VPS13C: variants seen among roughly 807,000 people sequenced by gnomAD.
VPS13C encodes the protein vacuolar protein sorting 13 homolog C.
Under a neutral mutation model 456.8 loss-of-function variants are expected in VPS13C, and 358 were observed. The observed-to-expected ratio is 0.78, with a 90% CI of 0.72 to 0.86. The LOEUF is 0.86. Among genes scored for constraint, VPS13C ranks in the 40% least tolerant of loss-of-function variants. The probability of loss-of-function intolerance (pLI) is 0.00; values close to 1 mark genes in which losing one functional copy is unlikely to be tolerated. For missense variants in VPS13C, 4,818 were observed against 4,385.4 expected (o/e 1.10, Z -2.79); for synonymous variants, 1,578 against 1,486.7 (o/e 1.06, Z -1.41).
intron 15 of VPS13C, among the ~76,000 whole-genome samples, chr15:62,005,869 A>AT (rs1216844730): frequency 1.3e-5 from 2 of 150,122 alleles, no homozygotes; most frequent in African/African-American, 2.4e-5. Context: ...CGCCCAGCTA[A>AT]TTTTTTGTAT....
intron 76 of VPS13C, 92 bp downstream of exon 76, chr15:61,875,640 G>A: frequency 1.2e-6 from 1 of 850,766 alleles, no homozygotes; most frequent in Non-Finnish European, 1.9e-6. Context: ...TCAATTCCAA[G>A]ATACAATTAC....
Position 61,974,408 on chromosome 15 carries a change from C to T in VPS13C, c.2418G>A (p.Val806=). The T allele has an allele frequency of 6.2e-7, 1 of 1,611,732 alleles. No individual in the cohort carries two copies. Among genetic ancestry groups the T allele is most frequent in the South Asian group, 1.1e-5 (1 of 90,950 alleles). ...CATGCATCAAAGGAAGTCCTCCTGA[C>T]ACTTTAAATCTAAAAATACAATTCA... ...EKDIRMARFK[V]SGGLPLMHVR... The change falls in exon 25 of 85, where the codon GTG becomes GTA. Residue 806 remains valine, a synonymous_variant. Transcript: ENST00000644861.
At chr15:61,944,425 C>T (rs191633029) in intron 45 of VPS13C, among the ~76,000 whole-genome samples, 150 of 152,238 alleles carry the variant, frequency 9.9e-4, no homozygotes, top group African/African-American at 2.9e-3. Flanking sequence ...AAACGTGGCA[C>T]ATATACACCA....
Position 61,916,101 on chromosome 15 carries a change from A to C in VPS13C, c.8056-79T>G, listed in dbSNP as rs554013427. The C allele has an allele frequency of 2.6e-5, 37 of 1,438,406 alleles. No homozygotes were observed. The South Asian group carries it at 4.6e-4, about 18-fold the overall frequency. 89.1% of individuals were successfully genotyped at this position (1,438,406 alleles called of 1,614,324 possible). ...AAATTCTTATTTTTCACAAATGCTA[A>C]ATAAACTACCAGATGCATGTAAACT... On this transcript the variant is annotated intron_variant, in intron 60 of 84. Coordinates refer to ENST00000644861, the MANE Select transcript of VPS13C (RefSeq NM_020821.3).
intron 5 of VPS13C, among the ~76,000 whole-genome samples, chr15:62,030,596 T>C (rs970663290): frequency 6.6e-6 from 1 of 152,122 alleles, no homozygotes; most frequent in Non-Finnish European, 1.5e-5. Flanking sequence ...ACACACATCA[T>C]GTGACCTGCG....
chr15:61,858,499 C>G lies in VPS13C; in HGVS notation c.10953-2090G>C. On this transcript the variant is annotated intron_variant, in intron 82 of 84. Coordinates refer to ENST00000644861, the MANE Select transcript of VPS13C (RefSeq NM_020821.3). The surrounding 1 kb of genome is among the most constrained non-coding windows in gnomAD (Gnocchi z 4.4). ...TTCCTACCATGATAGCTGCCACAGT[C>G]TCTATGGTAGACAGAATTCTAAGAC... Among the ~76,000 whole-genome samples, 1 of 152,146 alleles carries G rather than the reference C, an allele frequency of 6.6e-6. No individual in the cohort carries two copies.
chr15:61,916,894 T>C (rs1324221657), intron 60 of VPS13C, among the ~76,000 whole-genome samples: 4 of 152,170 alleles, frequency 2.6e-5, no homozygotes, highest in African/African-American at 9.7e-5. Flanking sequence ...TTTTTTCCTA[T>C]CTTTTAGTTA....
In VPS13C at chr15:61,929,703, A is replaced by G. The variant is rs757016828; in HGVS notation, c.6084T>C (p.Ile2028=). 10 of 1,613,742 alleles carry G rather than the reference A, an allele frequency of 6.2e-6. No homozygotes were observed. Among genetic ancestry groups the G allele is most frequent in the Middle Eastern group, 1.7e-4 (1 of 6,058 alleles). Residue 2028 remains isoleucine, a synonymous_variant, in exon 51 of 85, where the codon ATT becomes ATC. Coordinates refer to ENST00000644861, the MANE Select transcript of VPS13C (RefSeq NM_020821.3). The part of the protein sequence containing the change: ...KNDQDNNSSM[I]DISYKQDKNG... ...TTTTGTCTTGTTTGTAACTTATATC[A>G]ATCATAGAACTGTTGTTATCTTGGT...
At chr15:61,963,757 T>C (rs2045290088) in intron 32 of VPS13C, 78 bp downstream of exon 32, 2 of 1,025,190 alleles carry the variant, frequency 2.0e-6, no homozygotes, top group Non-Finnish European at 1.5e-6. Context: ...TATTTGTACA[T>C]TCTTTAGCAT....
chr15:62,007,393 C>T lies in VPS13C; in HGVS notation c.1205G>A (p.Arg402Lys), dbSNP rs572954391. 6.2e-7 allele frequency: 1 copy of T among 1,612,884 alleles called. No individual in the cohort carries two copies. The highest frequency in any genetic ancestry group is 8.5e-7 in the Non-Finnish European group (1 of 1,179,470). Residue 402 changes from arginine (R) to lysine (K), a missense_variant, in exon 15 of 85, where the codon AGG (arginine) becomes AAG (lysine). Arg to Lys is a conservative substitution (Grantham distance 26, BLOSUM62 2). Transcript: ENST00000644861. The part of the protein sequence containing the change: ...MWSWSNIKKH[R>K]QLLKSYKIAY... Reference sequence around the variant, plus strand: ...AATTTTATAACTCTTGAGTAACTGCCTGTGCTTTTTTATGTTACTCCATGA... The same window carrying T: ...AATTTTATAACTCTTGAGTAACTGCTTGTGCTTTTTTATGTTACTCCATGA...
chr15:61,942,367 T>G lies in VPS13C; in HGVS notation c.5149-300A>C, dbSNP rs537035790. ...TCTCATGATAAATTTTTGCAACAGT[T>G]CTTTTAAAAATCTCCTTTTTATTAA... On this transcript the variant is annotated intron_variant, in intron 45 of 84. Transcript: ENST00000644861. Among the ~76,000 whole-genome samples, 17 of 151,722 alleles carry G rather than the reference T, an allele frequency of 1.1e-4. No homozygotes were observed. The South Asian group carries it at 2.9e-3, about 26-fold the overall frequency.
At chr15:61,962,887 G>A (rs1305505663) in intron 32 of VPS13C, 35 bp from the exon 33 acceptor site, 4 of 1,398,352 alleles carry the variant, frequency 2.9e-6, no homozygotes, top group Non-Finnish European at 3.9e-6. Context: ...AATTTCTACA[G>A]ACCTACCATA....
rs193053689 is a variant in VPS13C, at chr15:62,012,979, T to C, written c.825+60A>G. Reference sequence around the variant, plus strand: ...TCCTGTCCTCATGAAGGCCCTCTTATATTAAACAAATTTAGGGATGGGAGT... The same window carrying C: ...TCCTGTCCTCATGAAGGCCCTCTTACATTAAACAAATTTAGGGATGGGAGT... On this transcript the variant is annotated intron_variant, in intron 11 of 84. Transcript: ENST00000644861. The C allele has an allele frequency of 3.3e-3, 4,379 of 1,327,466 alleles. 15 individuals carry two copies. Among genetic ancestry groups the C allele is most frequent in the Non-Finnish European group, 4.2e-3 (3,964 of 941,748 alleles). The allele number at this position is 1,327,466 out of a possible 1,614,324, so 82.2% of individuals were successfully genotyped here. A position where few individuals can be genotyped will look rare whatever the true frequency, so the allele number is the denominator to read the frequency against.
intron 28 of VPS13C, among the ~76,000 whole-genome samples, chr15:61,967,781 G>A (rs1480870767): frequency 6.6e-6 from 1 of 151,838 alleles, no homozygotes; most frequent in Non-Finnish European, 1.5e-5. Flanking sequence ...ACTTAAAAGA[G>A]GAAAGCTTTG....
chr15:61,854,478 G>C lies in VPS13C; in HGVS notation c.11241C>G (p.Leu3747=), dbSNP rs375378448. The change falls in exon 85 of 85, where the codon CTC becomes CTG. Residue 3747 remains leucine, a synonymous_variant. Transcript: ENST00000644861. ...GTGATTAAGATGGCAATTGGGGTCTGAGAAGTCTCACTGATGACTGCTTCA... is the reference window on the plus strand; with the variant it reads ...GTGATTAAGATGGCAATTGGGGTCTCAGAAGTCTCACTGATGACTGCTTCA... ...KLMKQSSVRL[L]RPQLPS is the part of the protein sequence containing the mutation. The C allele has an allele frequency of 7.4e-5, 119 of 1,614,060 alleles. 1 individual carries two copies. Among genetic ancestry groups the C allele is most frequent in the Non-Finnish European group, 9.2e-5 (108 of 1,180,012 alleles).
intron 74 of VPS13C, among the ~76,000 whole-genome samples, chr15:61,877,518 T>C (rs1242346276): frequency 6.8e-6 from 1 of 147,946 alleles, no homozygotes; most frequent in African/African-American, 2.4e-5. Context: ...CTGTCAGACA[T>C]TTCCAATTTT....
chr15:61,911,788 C>A, intron 63 of VPS13C, 52 bp downstream of exon 63: 1 of 1,439,930 alleles, frequency 6.9e-7, no homozygotes, highest in South Asian at 1.6e-5. Flanking sequence ...ATTTAGATGT[C>A]AATATTTATT....
intron 67 of VPS13C, among the ~76,000 whole-genome samples, chr15:61,888,371 T>G (rs906637965): frequency 2.6e-5 from 4 of 152,156 alleles, no homozygotes; most frequent in African/African-American, 9.7e-5. Context: ...AGGAAACATA[T>G]GTCTACACAA....
At position 61,964,843 on chromosome 15, in the gene VPS13C, T is replaced by A; in HGVS notation, c.3070A>T (p.Asn1024Tyr). 1 of 1,598,126 alleles carries A rather than the reference T, an allele frequency of 6.3e-7. No individual in the cohort carries two copies. The highest frequency in any genetic ancestry group is 8.5e-7 in the Non-Finnish European group (1 of 1,175,400). ...AGAGCTTGTGTTTGCAGCAACAGAT[T>A]TAAAGATGAAAAGGCCACCTAAAAA... ...QTVKVAFSSLNLLLQTQALVA... is the reference protein window; with the variant it reads ...QTVKVAFSSLYLLLQTQALVA... Residue 1024 changes from asparagine to tyrosine, a missense_variant, in exon 31 of 85, where the codon AAT becomes TAT. Coordinates refer to ENST00000644861, the MANE Select transcript of VPS13C (RefSeq NM_020821.3).
Sources: gnomAD v4.1 joint callset for allele counts (sites outside exome capture counted in the v4.1 genomes callset) on GRCh38, gnomAD v4.1.1 for gene constraint, Gnocchi (gnomAD v3.1) non-coding constraint, MANE v1.5 for transcripts, NCBI Gene and HGNC (gene_info 2026-07-23, HGNC 2026-07-21) for gene names.